The following BCAR3 variants were observed in gnomAD, a reference collection of about 807,000 sequenced individuals.
BCAR3 encodes breast cancer anti-estrogen resistance protein 3.
BCAR3 carries 37 observed loss-of-function variants against 80.1 expected under a neutral mutation model. The observed-to-expected ratio is 0.46, with a 90% CI of 0.36 to 0.61. The LOEUF is 0.61. Ranked by LOEUF, BCAR3 falls within the 20% of genes least tolerant of loss-of-function variation. The pLI, the probability that BCAR3 is intolerant of heterozygous loss-of-function variation, is 0.00. For missense variants in BCAR3, 978 were observed against 1,068.2 expected (o/e 0.92, Z 1.18); for synonymous variants, 389 against 418.9 (o/e 0.93, Z 0.87).
chr1:93,765,651 A>G (rs1447516722), intron 2 of BCAR3, among the ~76,000 whole-genome samples: 2 of 151,350 alleles, frequency 1.3e-5, no homozygotes, highest in African/African-American at 4.9e-5. Context: ...AACACTTAAC[A>G]TAAGGTCTAC....
chr1:93,578,760 G>A (rs1329266690), intron 7 of BCAR3, among the ~76,000 whole-genome samples: 1 of 150,726 alleles, frequency 6.6e-6, no homozygotes, highest in Admixed American at 6.6e-5. Context: ...GGTGCTCCAA[G>A]AGCAGAGACC....
chr1:93,562,230 C>A lies in BCAR3; in HGVS notation c.*11G>T. 1 of 1,610,708 alleles carries A rather than the reference C, an allele frequency of 6.2e-7. No individual in the cohort carries two copies. The highest frequency in any genetic ancestry group is 1.3e-5 in the African/African-American group (1 of 74,904). Reference sequence around the variant, plus strand: ...CTTGAAAAGATATTCTAAAGGTTCTCTGGAGAGTTATCAAAGCTCTGCCTG... The same window carrying A: ...CTTGAAAAGATATTCTAAAGGTTCTATGGAGAGTTATCAAAGCTCTGCCTG... On this transcript the variant is annotated 3_prime_UTR_variant, in exon 12 of 12. Transcript: ENST00000260502.
At chr1:93,820,702 C>T (rs1225217858) in intron 2 of BCAR3, among the ~76,000 whole-genome samples, 1 of 152,070 alleles carries the variant, frequency 6.6e-6, no homozygotes, top group Non-Finnish European at 1.5e-5. Flanking sequence ...TGTGGAGGTT[C>T]CGTTACATAG....
At chr1:93,590,487 T>C (rs992277083) in intron 4 of BCAR3, 2 of 152,250 alleles carry the variant, frequency 1.3e-5, no homozygotes, top group East Asian at 1.9e-4. Context: ...TGTTCAGTTA[T>C]CCAGTTTGGA....
chr1:93,697,542 T>C (rs943811316), intron 3 of BCAR3, among the ~76,000 whole-genome samples: 7 of 152,150 alleles, frequency 4.6e-5, no homozygotes, highest in African/African-American at 1.7e-4. Context: ...AGGTGGGGGA[T>C]TCTCACTACT....
chr1:93,822,098 A>G (rs1167545057), intron 2 of BCAR3, among the ~76,000 whole-genome samples: 1 of 152,218 alleles, frequency 6.6e-6, no homozygotes, highest in Non-Finnish European at 1.5e-5. Context: ...CAAGGGCCAG[A>G]AACAGTGTGG....
chr1:93,713,735 A>T (rs891533299), intron 2 of BCAR3, among the ~76,000 whole-genome samples: 1 of 152,160 alleles, frequency 6.6e-6, no homozygotes, highest in Admixed American at 6.5e-5. Flanking sequence ...CTATTAAACC[A>T]TGTAGCCTCT....
intron 2 of BCAR3, among the ~76,000 whole-genome samples, chr1:93,708,244 C>A (rs1470598761): frequency 6.6e-6 from 1 of 152,194 alleles, no homozygotes; most frequent in Non-Finnish European, 1.5e-5. Context: ...ACTCTGACAC[C>A]AGGCCACTTC....
chr1:93,675,067 A>G, intron 1 of BCAR3, 126 bp from the exon 2 acceptor site: 1 of 729,016 alleles, frequency 1.4e-6, no homozygotes, highest in Non-Finnish European at 2.1e-6. Flanking sequence ...TAACAGATCA[A>G]CATTTAATGG....
chr1:93,661,003 A>G (rs1647623284), intron 2 of BCAR3, among the ~76,000 whole-genome samples: 1 of 152,040 alleles, frequency 6.6e-6, no homozygotes, highest in African/African-American at 2.4e-5. Context: ...CAGCCTCCCA[A>G]ATAGCTGGGA....
At chr1:93,630,253 G>T (rs756251969) in intron 3 of BCAR3, among the ~76,000 whole-genome samples, 5 of 152,134 alleles carry the variant, frequency 3.3e-5, no homozygotes, top group Non-Finnish European at 5.9e-5. Flanking sequence ...CATCTGGTGT[G>T]GGTGCTCACT....
Position 93,592,264 on chromosome 1 carries a change from C to T in BCAR3, c.486+1G>A. 6.2e-7 allele frequency: 1 copy of T among 1,613,500 alleles called. No homozygotes were observed. Among genetic ancestry groups the T allele is most frequent in the Non-Finnish European group, 8.5e-7 (1 of 1,180,020 alleles). Reference sequence around the variant, plus strand: ...GCTCTGGAAGGGACAAGACCAGGTACCTGTCGGGGGATGCGGCCGTGGTAC... The same window carrying T: ...GCTCTGGAAGGGACAAGACCAGGTATCTGTCGGGGGATGCGGCCGTGGTAC... On this transcript the variant is annotated splice_donor_variant, in intron 4 of 11. Transcript: ENST00000260502. LOFTEE classifies it high-confidence loss of function. This position sits in a 1 kb window ranked among gnomAD's most constrained non-coding sequence, Gnocchi z 4.8.
At chr1:93,694,130 A>G (rs145299789) in intron 3 of BCAR3, among the ~76,000 whole-genome samples, 5 of 152,300 alleles carry the variant, frequency 3.3e-5, no homozygotes, top group African/African-American at 1.2e-4. Flanking sequence ...CATTCCCTCC[A>G]CACCTGGTAG....
chr1:93,581,105 T>C (rs7546785), intron 7 of BCAR3, among the ~76,000 whole-genome samples: 19,409 of 151,564 alleles, frequency 0.13, 3,026 homozygotes, highest in African/African-American at 0.37. Context: ...AAGGCTGCCA[T>C]GAGCTGTGAA....
At chr1:93,825,985 A>C (rs1654359461) in intron 2 of BCAR3, among the ~76,000 whole-genome samples, 1 of 152,158 alleles carries the variant, frequency 6.6e-6, no homozygotes, top group Admixed American at 6.5e-5. Flanking sequence ...GTGAGAAGAA[A>C]ATTCTCTAAC....
intron 2 of BCAR3, among the ~76,000 whole-genome samples, chr1:93,725,958 T>C (rs1191179053): frequency 6.6e-6 from 1 of 152,274 alleles, no homozygotes; most frequent in East Asian, 1.9e-4. Context: ...TTTTCCATTC[T>C]GGCATCAGTA....
chr1:93,807,583 C>G (rs1167102777), intron 2 of BCAR3, among the ~76,000 whole-genome samples: 1 of 152,166 alleles, frequency 6.6e-6, no homozygotes, highest in African/African-American at 2.4e-5. Context: ...CAGCTAATCT[C>G]TCCATGCTAC....
At chr1:93,756,329 A>G (rs1388539825) in intron 2 of BCAR3, among the ~76,000 whole-genome samples, 30 of 152,072 alleles carry the variant, frequency 2.0e-4, no homozygotes, top group Admixed American at 2.0e-3. Context: ...CCCCTTCCCA[A>G]GCCATTCTAT....
At chr1:93,800,389 C>T (rs1289992477) in intron 2 of BCAR3, among the ~76,000 whole-genome samples, 1 of 152,076 alleles carries the variant, frequency 6.6e-6, no homozygotes, top group Non-Finnish European at 1.5e-5. Context: ...GCCTGGCCAA[C>T]ATGGTGAAAC....
Sources: allele counts gnomAD v4.1 joint callset (sites outside exome capture counted in the v4.1 genomes callset), GRCh38; gene constraint gnomAD v4.1.1; non-coding constraint Gnocchi (gnomAD v3.1); transcripts MANE v1.5; gene names NCBI Gene and HGNC (gene_info 2026-07-23, HGNC 2026-07-21).